PTPRD: variants seen among roughly 807,000 people sequenced by gnomAD.
PTPRD encodes the protein protein tyrosine phosphatase receptor type D.
In PTPRD, 34 loss-of-function variants were observed where a neutral mutation model predicts 214.5. The observed-to-expected ratio is 0.16, with a 90% confidence interval of 0.12 to 0.21. The LOEUF (loss-of-function observed/expected upper bound fraction) is 0.21, where lower values mean the gene tolerates loss of function less well. Ranked by LOEUF, PTPRD falls within the 10% of genes least tolerant of loss-of-function variation. The pLI, the probability that PTPRD is intolerant of heterozygous loss-of-function variation, is 1.00. For synonymous variants in PTPRD, 1,128 were observed against 845.7 expected (o/e 1.33, Z -5.79); for missense variants, 2,545 against 2,398.7 (o/e 1.06, Z -1.27).
At chr9:8,897,504 G>T (rs887101840) in intron 11 of PTPRD, among the ~76,000 whole-genome samples, 1 of 152,148 alleles carries the variant, frequency 6.6e-6, no homozygotes, top group Non-Finnish European at 1.5e-5. Context: ...AGAATGTGTG[G>T]AAGATTTTGA....
At chr9:8,684,775 T>C (rs1293308704) in intron 12 of PTPRD, among the ~76,000 whole-genome samples, 3 of 152,204 alleles carry the variant, frequency 2.0e-5, no homozygotes, top group Non-Finnish European at 4.4e-5. Context: ...GGTTACAGAT[T>C]GCACTTTGAC....
At chr9:8,811,180 C>T (rs1177878637) in intron 11 of PTPRD, among the ~76,000 whole-genome samples, 2 of 152,084 alleles carry the variant, frequency 1.3e-5, no homozygotes, top group Non-Finnish European at 2.9e-5. Context: ...AATTAATGGG[C>T]GCAGTCTTGA....
chr9:8,665,625 T>A (rs2097155232), intron 12 of PTPRD, among the ~76,000 whole-genome samples: 1 of 152,196 alleles, frequency 6.6e-6, no homozygotes, highest in African/African-American at 2.4e-5. Flanking sequence ...ATAATACCTG[T>A]ATACACTTAC....
chr9:9,573,324 T>C (rs1010707424), intron 8 of PTPRD, among the ~76,000 whole-genome samples: 2 of 151,538 alleles, frequency 1.3e-5, no homozygotes, highest in Non-Finnish European at 3.0e-5. Context: ...ATGTTCTGTA[T>C]ACTTCTAGAA....
At chr9:8,624,390 C>G (rs1315820141) in intron 14 of PTPRD, among the ~76,000 whole-genome samples, 1 of 151,786 alleles carries the variant, frequency 6.6e-6, no homozygotes, top group African/African-American at 2.4e-5. Flanking sequence ...TTTGAGAAGA[C>G]ACAAAAACTT....
intron 3 of PTPRD, among the ~76,000 whole-genome samples, chr9:10,265,161 C>A (rs2093970735): frequency 6.6e-6 from 1 of 152,080 alleles, no homozygotes; most frequent in African/African-American, 2.4e-5. Context: ...TCCCTTTAGT[C>A]AATGAGAAAA....
At chr9:10,559,020 C>T (rs192407521) in intron 2 of PTPRD, among the ~76,000 whole-genome samples, 43 of 152,128 alleles carry the variant, frequency 2.8e-4, no homozygotes, top group African/African-American at 9.9e-4. Flanking sequence ...GGGAGGTTTC[C>T]ACATCCGGAG....
At chr9:9,675,907 G>A (rs2096919457) in intron 7 of PTPRD, among the ~76,000 whole-genome samples, 1 of 152,012 alleles carries the variant, frequency 6.6e-6, no homozygotes, top group Non-Finnish European at 1.5e-5. Context: ...CATCATTGAT[G>A]TAAAAATTCC....
intron 11 of PTPRD, among the ~76,000 whole-genome samples, chr9:8,868,551 A>G (rs1416756322): frequency 2.0e-5 from 3 of 152,148 alleles, no homozygotes; most frequent in Non-Finnish European, 4.4e-5. Context: ...ATGTTTAGCC[A>G]AAGTTGGAGC....
intron 3 of PTPRD, among the ~76,000 whole-genome samples, chr9:10,146,386 A>G (rs13298702): frequency 0.078 from 11,904 of 152,088 alleles, 587 homozygotes; most frequent in Admixed American, 0.14. Flanking sequence ...TATATAAATT[A>G]CAGTTTTTCA....
intron 8 of PTPRD, among the ~76,000 whole-genome samples, chr9:9,538,922 G>T (rs1296673660): frequency 1.3e-5 from 2 of 151,836 alleles, no homozygotes; most frequent in East Asian, 3.9e-4. Context: ...CAATCATTTA[G>T]TAAATTATTT....
At chr9:8,623,151 TA>T (rs961760809) in intron 14 of PTPRD, among the ~76,000 whole-genome samples, 1 of 151,648 alleles carries the variant, frequency 6.6e-6, no homozygotes, top group Non-Finnish European at 1.5e-5. Context: ...ACCCTGTCTC[TA>T]AAAAAACAAA....
At chr9:9,575,362 T>G (rs535385620) in intron 7 of PTPRD, among the ~76,000 whole-genome samples, 1 of 152,224 alleles carries the variant, frequency 6.6e-6, no homozygotes, top group South Asian at 2.1e-4. Context: ...ATGCTAGTTA[T>G]TATTATTGTC....
chr9:9,165,302 G>C (rs914285234), intron 10 of PTPRD, among the ~76,000 whole-genome samples: 5 of 152,182 alleles, frequency 3.3e-5, no homozygotes, highest in African/African-American at 1.2e-4. Context: ...ACCAAAAGAT[G>C]AATGTCAGGA....
chr9:10,044,673 A>G, intron 3 of PTPRD, among the ~76,000 whole-genome samples: 1 of 151,806 alleles, frequency 6.6e-6, no homozygotes, highest in East Asian at 1.9e-4. Flanking sequence ...AAGAAATTAA[A>G]GCTCAGGGAG....
At chr9:9,516,257 C>T (rs1027214361) in intron 8 of PTPRD, among the ~76,000 whole-genome samples, 12 of 105,792 alleles carry the variant, frequency 1.1e-4, no homozygotes, top group African/African-American at 2.2e-4. Context: ...AACTCCCATC[C>T]ATATTTACTT....
chr9:8,815,760 T>G (rs1168163419), intron 11 of PTPRD, among the ~76,000 whole-genome samples: 1 of 152,174 alleles, frequency 6.6e-6, no homozygotes, highest in Non-Finnish European at 1.5e-5. Context: ...GTTAAAGTCA[T>G]TAAGTCTGTT....
At chr9:9,117,202 G>C (rs1371660536) in intron 10 of PTPRD, among the ~76,000 whole-genome samples, 1 of 151,508 alleles carries the variant, frequency 6.6e-6, no homozygotes, top group African/African-American at 2.4e-5. Context: ...TTTTCCAGCA[G>C]AGAGCTCAGG....
intron 11 of PTPRD, among the ~76,000 whole-genome samples, chr9:8,908,480 A>AT (rs2098723841): frequency 1.3e-5 from 2 of 152,134 alleles, no homozygotes. Flanking sequence ...TAAACAGCAC[A>AT]TTTTTAAATA....
Sources: gnomAD v4.1 joint callset for allele counts (sites outside exome capture counted in the v4.1 genomes callset) on GRCh38, gnomAD v4.1.1 for gene constraint, MANE v1.5 for transcripts, NCBI Gene and HGNC (gene_info 2026-07-23, HGNC 2026-07-21) for gene names.